LOC128462377: variants seen among roughly 807,000 people sequenced by gnomAD.
the LOC128462377 span, among the ~76,000 whole-genome samples, chr16:89,377,185 A>T: frequency 1.3e-3 from 195 of 152,296 alleles, no homozygotes; most frequent in African/African-American, 4.6e-3. Context: ...AACACAGCGT[A>T]TCTAATTCAG....
chr16:89,354,598 C>T, the LOC128462377 span, among the ~76,000 whole-genome samples: 1 of 152,182 alleles, frequency 6.6e-6, no homozygotes, highest in Non-Finnish European at 1.5e-5. Context: ...AATACAAAAG[C>T]TGGCAGGGCA....
At chr16:89,384,525 G>C in the LOC128462377 span, among the ~76,000 whole-genome samples, 2 of 129,592 alleles carry the variant, frequency 1.5e-5, no homozygotes, top group Non-Finnish European at 3.4e-5. Context: ...ACATGGAACA[G>C]GATGGGATGG....
chr16:89,338,726 C>CAAAAAAAAAAAAA, the LOC128462377 span, among the ~76,000 whole-genome samples: 1 of 43,812 alleles, frequency 2.3e-5, no homozygotes, highest in African/African-American at 1.0e-4. Flanking sequence ...CACTCAGTCT[C>CAAAAAAAAAAAAA]AAAAAAAAAA....
chr16:89,407,416 C>G, the LOC128462377 span, among the ~76,000 whole-genome samples: 154 of 152,286 alleles, frequency 1.0e-3, no homozygotes, highest in African/African-American at 3.5e-3. Flanking sequence ...GGGCTGCCTC[C>G]CCAGGCCCTT....
chr16:89,331,160 G>T, the LOC128462377 span, among the ~76,000 whole-genome samples: 4 of 152,128 alleles, frequency 2.6e-5, no homozygotes, highest in Admixed American at 2.6e-4. Flanking sequence ...CGCCATGTTG[G>T]CCAGGCTGGT....
At chr16:89,394,835 T>C in the LOC128462377 span, among the ~76,000 whole-genome samples, 1 of 152,164 alleles carries the variant, frequency 6.6e-6, no homozygotes, top group Non-Finnish European at 1.5e-5. Flanking sequence ...GAGTTATTTT[T>C]CAAACGTCCA....
the LOC128462377 span, among the ~76,000 whole-genome samples, chr16:89,337,669 T>C: frequency 6.6e-6 from 1 of 152,124 alleles, no homozygotes; most frequent in African/African-American, 2.4e-5. Flanking sequence ...CTCAATCTCC[T>C]GACCTCGGGA....
chr16:89,368,480 G>C, the LOC128462377 span, among the ~76,000 whole-genome samples: 2 of 147,092 alleles, frequency 1.4e-5, no homozygotes, highest in South Asian at 2.2e-4. Flanking sequence ...CTCGGCCTCC[G>C]AAGTGCTGGG....
At chr16:89,356,780 CAAAAAA>C in the LOC128462377 span, among the ~76,000 whole-genome samples, 9 of 103,988 alleles carry the variant, frequency 8.7e-5, no homozygotes, top group Admixed American at 3.2e-4. Context: ...GACTCCGTCT[CAAAAAA>C]AAAAAAAAAG....
the LOC128462377 span, among the ~76,000 whole-genome samples, chr16:89,357,411 T>C: frequency 5.9e-5 from 9 of 152,128 alleles, no homozygotes; most frequent in East Asian, 1.9e-4. Context: ...TCCTCGTGCA[T>C]TGCTGGTGGG....
chr16:89,346,707 C>T, the LOC128462377 span, among the ~76,000 whole-genome samples: 1 of 152,146 alleles, frequency 6.6e-6, no homozygotes, highest in South Asian at 2.1e-4. Flanking sequence ...AGATGCTATA[C>T]AGCAAGGTGG....
chr16:89,393,797 G>A, the LOC128462377 span, among the ~76,000 whole-genome samples: 2 of 152,110 alleles, frequency 1.3e-5, no homozygotes, highest in African/African-American at 4.8e-5. Context: ...ATGGCATCTC[G>A]CATGAAACAG....
chr16:89,392,987 T>C, the LOC128462377 span, among the ~76,000 whole-genome samples: 2 of 151,950 alleles, frequency 1.3e-5, no homozygotes, highest in Non-Finnish European at 2.9e-5. Flanking sequence ...AAATTCCTTT[T>C]CTAAACTCCA....
the LOC128462377 span, among the ~76,000 whole-genome samples, chr16:89,373,860 G>A: frequency 6.6e-6 from 1 of 152,244 alleles, no homozygotes; most frequent in South Asian, 2.1e-4. Flanking sequence ...AGTTAGAGCT[G>A]CTATTAATTG....
chr16:89,330,889 C>G, the LOC128462377 span, among the ~76,000 whole-genome samples: 1 of 152,122 alleles, frequency 6.6e-6, no homozygotes. Flanking sequence ...TTTGACTGTA[C>G]AGTTCTAGTT....
chr16:89,380,930 C>A, the LOC128462377 span, among the ~76,000 whole-genome samples: 11 of 152,166 alleles, frequency 7.2e-5, no homozygotes, highest in Non-Finnish European at 1.6e-4. Context: ...ACGGAGCACG[C>A]ATCCCTGCTT....
At chr16:89,392,954 C>CA in the LOC128462377 span, among the ~76,000 whole-genome samples, 1 of 151,916 alleles carries the variant, frequency 6.6e-6, no homozygotes, top group African/African-American at 2.4e-5. Context: ...CTACAGTCAC[C>CA]AAGGCCCTTT....
At chr16:89,319,258 C>A in the LOC128462377 span, among the ~76,000 whole-genome samples, 1 of 152,176 alleles carries the variant, frequency 6.6e-6, no homozygotes, top group Non-Finnish European at 1.5e-5. Flanking sequence ...CCCGACAGTG[C>A]GGGGCTTATC....
chr16:89,327,081 T>TGGAAATGCAGAGGTG, the LOC128462377 span, among the ~76,000 whole-genome samples: 86,304 of 142,088 alleles, frequency 0.61, 26,544 homozygotes, highest in Middle Eastern at 0.7. Context: ...ATGCAGAGGT[T>TGGAAATGCAGAGGTG]GGAAATGCAG....
Sources: allele counts gnomAD v4.1 joint callset (sites outside exome capture counted in the v4.1 genomes callset), GRCh38; gene constraint gnomAD v4.1.1; transcripts MANE v1.5.